The following DNAH8 variants were observed in gnomAD, a reference collection of about 807,000 sequenced individuals.
The protein encoded by DNAH8 is dynein axonemal heavy chain 8.
A neutral mutation model predicts 562.1 loss-of-function variants in DNAH8; 382 were observed. That is an observed-to-expected ratio of 0.68 (90% confidence interval 0.63 to 0.74). DNAH8 has a LOEUF of 0.74. DNAH8 is among the 30% of genes least tolerant of loss of function. DNAH8 has a pLI of 0.00. For missense variants in DNAH8, 5,203 were observed against 5,620.4 expected, an observed-to-expected ratio of 0.93 and a Z score of 2.37; for synonymous variants, 1,881 against 1,919.4, an observed-to-expected ratio of 0.98 and a Z score of 0.52.
chr6:38,912,458 C>T (rs1780976340), intron 66 of DNAH8, among the ~76,000 whole-genome samples: 2 of 152,108 alleles, frequency 1.3e-5, no homozygotes, highest in African/African-American at 2.4e-5. Flanking sequence ...GAGTGGGACC[C>T]TGTCTCAAGA....
chr6:38,823,519 A>G, intron 27 of DNAH8, 43 bp from the exon 28 acceptor site: 3 of 1,469,694 alleles, frequency 2.0e-6, no homozygotes, highest in Non-Finnish European at 2.8e-6. Flanking sequence ...GGTAAGATTT[A>G]TACTGTTAAA....
At chr6:38,836,516 CA>C (rs35716203) in intron 32 of DNAH8, among the ~76,000 whole-genome samples, 2,330 of 129,208 alleles carry the variant, frequency 0.018, 27 homozygotes, top group Middle Eastern at 0.038. Context: ...AAAACCATCT[CA>C]AAAAAAAAAA....
intron 88 of DNAH8, among the ~76,000 whole-genome samples, chr6:39,002,282 A>G (rs78703499): frequency 0.012 from 1,855 of 152,306 alleles, 34 homozygotes; most frequent in Middle Eastern, 0.061. Context: ...TCATCCACAT[A>G]TTCTATCTGT....
chr6:38,841,699 A>G (rs533588691), intron 33 of DNAH8, among the ~76,000 whole-genome samples: 2 of 152,134 alleles, frequency 1.3e-5, no homozygotes, highest in East Asian at 3.9e-4. Context: ...TTTTAAACAC[A>G]GTAACTTCAT....
chr6:38,758,528 C>T (rs943192663), intron 10 of DNAH8, among the ~76,000 whole-genome samples: 48 of 152,184 alleles, frequency 3.2e-4, no homozygotes, highest in Non-Finnish European at 5.0e-4. Flanking sequence ...ATTTCCTTCT[C>T]CTGCCCGATT....
intron 49 of DNAH8, among the ~76,000 whole-genome samples, chr6:38,871,161 C>T (rs1000878538): frequency 8.5e-5 from 13 of 152,102 alleles, no homozygotes; most frequent in African/African-American, 3.1e-4. Flanking sequence ...TTTTCCAGAG[C>T]TTTTGGAAAA....
chr6:38,779,662 G>A (rs537113108), intron 14 of DNAH8, among the ~76,000 whole-genome samples: 1 of 152,118 alleles, frequency 6.6e-6, no homozygotes, highest in African/African-American at 2.4e-5. Flanking sequence ...TTTTCTCAGG[G>A]TGTCTTACTT....
intron 43 of DNAH8, 60 bp from the exon 44 acceptor site, chr6:38,862,220 G>T: frequency 6.7e-7 from 1 of 1,484,074 alleles, no homozygotes; most frequent in Non-Finnish European, 9.2e-7. Flanking sequence ...ATTTTTGCTT[G>T]CGCCATCCTG....
At chr6:38,824,039 G>A (rs967971091) in intron 28 of DNAH8, among the ~76,000 whole-genome samples, 2 of 152,098 alleles carry the variant, frequency 1.3e-5, no homozygotes, top group Admixed American at 1.3e-4. Context: ...TCTCTTTTAG[G>A]TTACTGTAAG....
At chr6:38,804,812 C>T (rs1209738683) in intron 22 of DNAH8, among the ~76,000 whole-genome samples, 1 of 148,300 alleles carries the variant, frequency 6.7e-6, no homozygotes, top group Non-Finnish European at 1.5e-5. Context: ...GTGCCTGGAA[C>T]AGTGGTTCTT....
rs1173730271 is a variant in DNAH8, at chr6:38,746,576, AT to A, written c.1294-3894del. ...AATTTTTTTATATTTAGATGAATTA[AT>A]TTTTTCAGCCTTTTATTGCTTTTGT... On this transcript the variant is annotated intron_variant, in intron 8 of 92. Coordinates refer to ENST00000327475, the MANE Select transcript of DNAH8 (RefSeq NM_001206927.2). Among the ~76,000 whole-genome samples the A allele has an allele frequency of 3.3e-5, 5 of 150,746 alleles. No individual in the cohort carries two copies. In the East Asian group the frequency reaches 5.8e-4, roughly 17 times the overall value.
intron 53 of DNAH8, among the ~76,000 whole-genome samples, chr6:38,878,320 T>G (rs761273620): frequency 1.7e-4 from 26 of 152,214 alleles, no homozygotes; most frequent in Non-Finnish European, 3.1e-4. Context: ...CTGGGTCATA[T>G]AACAATTCTC....
At chr6:38,902,601 C>G (rs1420477224) in intron 62 of DNAH8, among the ~76,000 whole-genome samples, 1 of 152,156 alleles carries the variant, frequency 6.6e-6, no homozygotes. Context: ...CATGTCAAGC[C>G]CCCTTCTGTT....
chr6:39,012,768 A>G (rs1766308186), intron 91 of DNAH8, 131 bp downstream of exon 91: 2 of 653,322 alleles, frequency 3.1e-6, no homozygotes. Flanking sequence ...TAGCCATTCA[A>G]AGGCGAAAGA....
intron 29 of DNAH8, among the ~76,000 whole-genome samples, chr6:38,827,643 GA>G (rs1489942251): frequency 6.7e-6 from 1 of 149,138 alleles, no homozygotes; most frequent in East Asian, 2.0e-4. Flanking sequence ...GGTATTTGGG[GA>G]TTTTGGATGC....
At chr6:38,881,597 G>A (rs551655035) in intron 53 of DNAH8, among the ~76,000 whole-genome samples, 21 of 140,878 alleles carry the variant, frequency 1.5e-4, no homozygotes, top group African/African-American at 5.1e-4. Flanking sequence ...TGTTGCCCAC[G>A]CTGGAGTGCA....
chr6:38,919,249 A>G (rs117250467), intron 70 of DNAH8, among the ~76,000 whole-genome samples: 1 of 152,228 alleles, frequency 6.6e-6, no homozygotes, highest in African/African-American at 2.4e-5. Context: ...AGTGGAAATT[A>G]ACAAACATAA....
intron 52 of DNAH8, among the ~76,000 whole-genome samples, chr6:38,874,087 T>TCTTTCTTG (rs1777743153): frequency 8.1e-6 from 1 of 123,492 alleles, no homozygotes; most frequent in Non-Finnish European, 1.7e-5. Flanking sequence ...TTTCTTTCTT[T>TCTTTCTTG]CTTTCTTTCT....
At chr6:38,959,508 T>C (rs1762473660) in intron 82 of DNAH8, among the ~76,000 whole-genome samples, 1 of 151,754 alleles carries the variant, frequency 6.6e-6, no homozygotes, top group Non-Finnish European at 1.5e-5. Flanking sequence ...TAAAAAGCAA[T>C]CCCATTTAAA....
Sources: gnomAD v4.1 joint callset for allele counts (sites outside exome capture counted in the v4.1 genomes callset) on GRCh38, gnomAD v4.1.1 for gene constraint, MANE v1.5 for transcripts, NCBI Gene and HGNC (gene_info 2026-07-23, HGNC 2026-07-21) for gene names.